Variants in PLCXD2 observed in about 807,000 individuals in gnomAD.
The protein encoded by PLCXD2 is phosphatidylinositol specific phospholipase C X domain containing 2, also known as PI-PLC X domain-containing protein 2.
A neutral mutation model predicts 28.6 loss-of-function variants in PLCXD2; 21 were observed. The observed-to-expected ratio is 0.73, with a 90% confidence interval of 0.52 to 1.06. The LOEUF is 1.06. PLCXD2 is among the 50% of genes least tolerant of loss of function. The pLI is 0.00. For synonymous variants in PLCXD2, 140 were observed against 150.1 expected, an observed-to-expected ratio of 0.93 and a Z score of 0.49; for missense variants, 369 against 376.7, an observed-to-expected ratio of 0.98 and a Z score of 0.17.
At chr3:111,703,947 C>G (rs1941082006) in intron 1 of PLCXD2, among the ~76,000 whole-genome samples, 1 of 151,996 alleles carries the variant, frequency 6.6e-6, no homozygotes, top group African/African-American at 2.4e-5. Flanking sequence ...TGGATAGCCT[C>G]TATGTTCCAG....
intron 1 of PLCXD2, among the ~76,000 whole-genome samples, chr3:111,694,649 G>T (rs1047191900): frequency 1.3e-5 from 2 of 152,174 alleles, no homozygotes; most frequent in Admixed American, 6.5e-5. Context: ...GAAGCTCATA[G>T]TCCTGGCAGA....
At chr3:111,678,539 A>T (rs1940659597) in intron 1 of PLCXD2, among the ~76,000 whole-genome samples, 1 of 152,182 alleles carries the variant, frequency 6.6e-6, no homozygotes, top group African/African-American at 2.4e-5. Flanking sequence ...TTCATTTTTT[A>T]AAAAACACTT....
At chr3:111,699,173 G>T (rs557900382) in intron 1 of PLCXD2, among the ~76,000 whole-genome samples, 1 of 152,284 alleles carries the variant, frequency 6.6e-6, no homozygotes, top group African/African-American at 2.4e-5. Context: ...CACCTACCCA[G>T]ATGGGGAGTT....
At chr3:111,687,058 G>T (rs1488919535) in intron 1 of PLCXD2, among the ~76,000 whole-genome samples, 2 of 152,204 alleles carry the variant, frequency 1.3e-5, no homozygotes, top group African/African-American at 2.4e-5. Context: ...CCAGCCTTAG[G>T]CAACTCTCTG....
intron 1 of PLCXD2, among the ~76,000 whole-genome samples, chr3:111,684,056 G>A (rs544991459): frequency 1.3e-5 from 2 of 152,256 alleles, no homozygotes; most frequent in East Asian, 3.9e-4. Context: ...GTTAGGCCAG[G>A]CGTGGTGGCT....
intron 1 of PLCXD2, among the ~76,000 whole-genome samples, chr3:111,704,815 T>C (rs1231012034): frequency 2.2e-5 from 3 of 137,354 alleles, no homozygotes; most frequent in African/African-American, 6.3e-5. Flanking sequence ...CTATCTAGCA[T>C]AATTTTTTTT....
intron 2 of PLCXD2, among the ~76,000 whole-genome samples, chr3:111,710,084 T>C (rs1941179550): frequency 6.6e-6 from 1 of 152,006 alleles, no homozygotes; most frequent in Non-Finnish European, 1.5e-5. Context: ...CAAGGATGAG[T>C]CCCAGGCTTG....
intron 2 of PLCXD2, among the ~76,000 whole-genome samples, chr3:111,709,279 A>C (rs1343725356): frequency 1.3e-5 from 2 of 152,184 alleles, no homozygotes; most frequent in Admixed American, 1.3e-4. Flanking sequence ...AGTAACCTCT[A>C]AGGACTAGGG....
chr3:111,708,333 G>T lies in PLCXD2; in HGVS notation c.571G>T (p.Ala191Ser). The T allele has an allele frequency of 6.2e-7, 1 of 1,614,128 alleles. No homozygotes were observed. The highest frequency in any genetic ancestry group is 1.1e-5 in the South Asian group (1 of 91,076). The change falls in exon 2 of 5, where the codon GCC (alanine) becomes TCC (serine). Residue 191 changes from alanine (A) to serine (S), a missense_variant. Physicochemically the swap from Ala to Ser is moderately conservative, Grantham distance 99 (BLOSUM62 1). Transcript: ENST00000477665. ...GGCCTTTGGAAACAAGCTGTGCCCA[G>T]CCTGCAGTGTGGAAAGTTTGACGCT...
intron 3 of PLCXD2, chr3:111,724,707 A>C (rs1272158719): frequency 6.6e-6 from 1 of 152,218 alleles, no homozygotes; most frequent in East Asian, 1.9e-4. Flanking sequence ...CTGCAGATTT[A>C]GTTCATGCCA....
intron 2 of PLCXD2, among the ~76,000 whole-genome samples, chr3:111,709,633 C>T (rs1237411831): frequency 6.6e-6 from 1 of 152,098 alleles, no homozygotes; most frequent in East Asian, 1.9e-4. Context: ...GAAAAGATGA[C>T]ATTTGAAGGG....
At position 111,703,864 on chromosome 3, in the gene PLCXD2, T is replaced by C. The variant is rs539541106; in HGVS notation, c.164-4062T>C. 9.8e-5 allele frequency among the ~76,000 whole-genome samples: 15 copies of C among 152,318 alleles called. No homozygotes were observed. In the South Asian group the frequency reaches 2.7e-3, roughly 27 times the overall value. ...ATGGCAATTTTTCTTACCTGAAATA[T>C]GCTGGTAATTTTCTCACTTGCAAAA... On this transcript the variant is annotated intron_variant, in intron 1 of 4. Coordinates refer to ENST00000477665, the MANE Select transcript of PLCXD2 (RefSeq NM_001185106.1).
At chr3:111,704,574 G>A (rs1258017234) in intron 1 of PLCXD2, among the ~76,000 whole-genome samples, 1 of 152,052 alleles carries the variant, frequency 6.6e-6, no homozygotes, top group African/African-American at 2.4e-5. Context: ...ATTTTTAGTT[G>A]ACAGTAATAA....
intron 1 of PLCXD2, among the ~76,000 whole-genome samples, chr3:111,679,418 T>A (rs979771023): frequency 6.6e-6 from 1 of 152,232 alleles, no homozygotes; most frequent in African/African-American, 2.4e-5. Flanking sequence ...TATTTTTAAG[T>A]GTATGTTTTT....
chr3:111,707,987 C>G lies in PLCXD2; in HGVS notation c.225C>G (p.Thr75=). 6.2e-7 allele frequency: 1 copy of G among 1,614,122 alleles called. No individual in the cohort carries two copies. The highest frequency in any genetic ancestry group is 8.5e-7 in the Non-Finnish European group (1 of 1,180,026). ...AGTCCCCAGTGGGGCCTGACCAAACCCAAGCTATCAAACGCCTCGCCAGGA... is the reference window on the plus strand; with the variant it reads ...AGTCCCCAGTGGGGCCTGACCAAACGCAAGCTATCAAACGCCTCGCCAGGA... Residue 75 remains threonine, a synonymous_variant, in exon 2 of 5, where the codon ACC becomes ACG. Transcript: ENST00000477665.
At chr3:111,678,826 G>A (rs1043103688) in intron 1 of PLCXD2, among the ~76,000 whole-genome samples, 15 of 152,110 alleles carry the variant, frequency 9.9e-5, no homozygotes, top group Admixed American at 4.6e-4. Flanking sequence ...GAAAGAGCTG[G>A]AAGGAATGAT....
intron 1 of PLCXD2, among the ~76,000 whole-genome samples, chr3:111,678,183 G>A (rs1479323071): frequency 6.6e-6 from 1 of 152,234 alleles, no homozygotes; most frequent in Non-Finnish European, 1.5e-5. Flanking sequence ...GAACATGTGT[G>A]AATGTGCACC....
rs1326350064 is a variant in PLCXD2, at chr3:111,685,942, C to CTT, written c.163+10534_163+10535insTT. Among the ~76,000 whole-genome samples, 3 of 152,124 alleles carry CTT rather than the reference C, an allele frequency of 2.0e-5. No homozygotes were observed. In the South Asian group the frequency reaches 6.2e-4, roughly 32 times the overall value. Reference sequence around the variant, plus strand: ...CCCCCCACAACATGGGATTGAAAACCCTTTGGCTCACATAAATCATAGGAC... The same window carrying CTT: ...CCCCCCACAACATGGGATTGAAAACCTTCTTTGGCTCACATAAATCATAGGAC... On this transcript the variant is annotated intron_variant, in intron 1 of 4. Coordinates refer to ENST00000477665, the MANE Select transcript of PLCXD2 (RefSeq NM_001185106.1).
chr3:111,695,995 T>C (rs1428841142), intron 1 of PLCXD2, among the ~76,000 whole-genome samples: 1 of 152,146 alleles, frequency 6.6e-6, no homozygotes, highest in Non-Finnish European at 1.5e-5. Context: ...CTCTTTAAAA[T>C]TGGTTAACAA....
Sources: allele counts gnomAD v4.1 joint callset (sites outside exome capture counted in the v4.1 genomes callset), GRCh38; gene constraint gnomAD v4.1.1; transcripts MANE v1.5; gene names NCBI Gene and HGNC (gene_info 2026-07-23, HGNC 2026-07-21).